Variants in ADCY1 observed in about 807,000 individuals in gnomAD.
The protein encoded by ADCY1 is adenylate cyclase type 1.
A neutral mutation model predicts 105.4 loss-of-function variants in ADCY1; 28 were observed. The ratio of observed to expected loss-of-function variants is 0.27; its 90% CI spans 0.20 to 0.36. The LOEUF is 0.36. Among genes scored for constraint, ADCY1 ranks in the 10% least tolerant of loss-of-function variants. ADCY1 has a pLI of 1.00. For synonymous variants in ADCY1, 655 were observed against 623.8 expected (o/e 1.05, Z -0.75); for missense variants, 977 against 1,434.2 (o/e 0.68, Z 5.15).
At chr7:45,679,423 G>A (rs1023605433) in intron 10 of ADCY1, among the ~76,000 whole-genome samples, 4 of 152,212 alleles carry the variant, frequency 2.6e-5, no homozygotes, top group Non-Finnish European at 5.9e-5. Flanking sequence ...GAAAAGTTCT[G>A]TGATTCTCAG....
intron 10 of ADCY1, among the ~76,000 whole-genome samples, chr7:45,679,190 A>C (rs1446616662): frequency 6.6e-6 from 1 of 152,212 alleles, no homozygotes; most frequent in East Asian, 1.9e-4. Flanking sequence ...GTTTGAAAGC[A>C]CATGGAGGCC....
In ADCY1 at chr7:45,662,262, T is replaced by A. The variant is rs778408193; in HGVS notation, c.1605+48T>A. On this transcript the variant is annotated intron_variant, in intron 8 of 19. Coordinates refer to ENST00000297323, the MANE Select transcript of ADCY1 (RefSeq NM_021116.4). ...CCATGCTGGAGCTGCCAGGGACTGA[T>A]CTCTGTCCTGCCCTCCCAATATGGC... 61 of 1,577,782 alleles carry A rather than the reference T, an allele frequency of 3.9e-5. No homozygotes were observed. The South Asian group carries it at 6.8e-4, about 18-fold the overall frequency.
Sources: gnomAD v4.1 joint callset for allele counts (sites outside exome capture counted in the v4.1 genomes callset) on GRCh38, gnomAD v4.1.1 for gene constraint, MANE v1.5 for transcripts, NCBI Gene and HGNC (gene_info 2026-07-23, HGNC 2026-07-21) for gene names.